The following HS6ST3 variants were observed in gnomAD, a reference collection of about 807,000 sequenced individuals.
HS6ST3 encodes the protein heparan sulfate 6-O-sulfotransferase 3.
A neutral mutation model predicts 36.7 loss-of-function variants in HS6ST3; 12 were observed. The ratio of observed to expected loss-of-function variants is 0.33; its 90% CI spans 0.21 to 0.53. The LOEUF (loss-of-function observed/expected upper bound fraction) is 0.53. Among genes scored for constraint, HS6ST3 ranks in the 20% least tolerant of loss-of-function variants. The pLI, the probability that HS6ST3 is intolerant of heterozygous loss-of-function variation, is 0.95. For missense variants in HS6ST3, 584 were observed against 640.9 expected (o/e 0.91, Z 0.96); for synonymous variants, 240 against 257.5 (o/e 0.93, Z 0.65).
At chr13:96,712,609 G>T (rs1875589549) in intron 1 of HS6ST3, among the ~76,000 whole-genome samples, 1 of 152,102 alleles carries the variant, frequency 6.6e-6, no homozygotes, top group South Asian at 2.1e-4. Flanking sequence ...TTTCTCCTGG[G>T]CAAGAAGAGT....
At chr13:96,283,033 A>G (rs1339154319) in intron 1 of HS6ST3, among the ~76,000 whole-genome samples, 16 of 152,312 alleles carry the variant, frequency 1.1e-4, no homozygotes, top group Admixed American at 1.0e-3. Flanking sequence ...CCTGGCTGAC[A>G]TCTCTTGAAT....
chr13:96,796,882 C>T (rs193281667), intron 1 of HS6ST3, among the ~76,000 whole-genome samples: 1 of 152,024 alleles, frequency 6.6e-6, no homozygotes, highest in Non-Finnish European at 1.5e-5. Flanking sequence ...GACTATCGAT[C>T]AGGCCATAAT....
rs572601634 is a variant in HS6ST3 at position 96,490,486 on chromosome 13, T to C, written c.708-342004T>C. Among the ~76,000 whole-genome samples the C allele has an allele frequency of 2.0e-5, 3 of 152,266 alleles. No individual in the cohort carries two copies. The East Asian group carries it at 5.8e-4, about 29-fold the overall frequency. ...CATTAAAATGATTAAAATGAAAAAGTATTACAATGCTAAAAGATTTATGAG... is the reference window on the plus strand; with the variant it reads ...CATTAAAATGATTAAAATGAAAAAGCATTACAATGCTAAAAGATTTATGAG... On this transcript the variant is annotated intron_variant, in intron 1 of 1. Transcript: ENST00000376705.
At chr13:96,321,731 C>T (rs1184421840) in intron 1 of HS6ST3, among the ~76,000 whole-genome samples, 1 of 152,188 alleles carries the variant, frequency 6.6e-6, no homozygotes, top group East Asian at 1.9e-4. Flanking sequence ...ATTGGACTTT[C>T]CCAGCAATGC....
At chr13:96,530,509 T>C (rs533207763) in intron 1 of HS6ST3, among the ~76,000 whole-genome samples, 1 of 151,826 alleles carries the variant, frequency 6.6e-6, no homozygotes, top group East Asian at 1.9e-4. Flanking sequence ...CTTTCCCTTT[T>C]TTTTTTTTTT....
At chr13:96,179,332 C>T (rs1277342302) in intron 1 of HS6ST3, among the ~76,000 whole-genome samples, 1 of 152,218 alleles carries the variant, frequency 6.6e-6, no homozygotes, top group Non-Finnish European at 1.5e-5. Context: ...AAACTCCCTG[C>T]ATCAGTAACT....
At chr13:96,298,131 T>C (rs554096481) in intron 1 of HS6ST3, among the ~76,000 whole-genome samples, 1 of 152,348 alleles carries the variant, frequency 6.6e-6, no homozygotes, top group South Asian at 2.1e-4. Context: ...TGTATTTAGA[T>C]AATTACTGAA....
chr13:96,478,306 G>A lies in HS6ST3; in HGVS notation c.708-354184G>A, dbSNP rs574203534. ...GCCAGAGATAGAACAGTGAAAATGT[G>A]TAGAGAAGGGTTTTAAGGACGATAA... On this transcript the variant is annotated intron_variant, in intron 1 of 1. Transcript: ENST00000376705. Among the ~76,000 whole-genome samples, 24 of 152,278 alleles carry A rather than the reference G, an allele frequency of 1.6e-4. No homozygotes were observed. The South Asian group carries it at 3.7e-3, about 24-fold the overall frequency.
At chr13:96,662,383 G>A (rs2056649251) in intron 1 of HS6ST3, among the ~76,000 whole-genome samples, 2 of 151,918 alleles carry the variant, frequency 1.3e-5, no homozygotes, top group South Asian at 4.1e-4. Flanking sequence ...CTGCTCCTTG[G>A]TCTAGTCTAT....
intron 1 of HS6ST3, among the ~76,000 whole-genome samples, chr13:96,546,529 A>G (rs2056198290): frequency 6.6e-6 from 1 of 152,082 alleles, no homozygotes; most frequent in Admixed American, 6.6e-5. Flanking sequence ...GCCTGTTTTT[A>G]TGTTCACTCT....
intron 1 of HS6ST3, among the ~76,000 whole-genome samples, chr13:96,657,718 C>T (rs1321089187): frequency 6.6e-6 from 1 of 152,102 alleles, no homozygotes; most frequent in Non-Finnish European, 1.5e-5. Flanking sequence ...CAATGAGATC[C>T]TACGGAACCT....
At chr13:96,706,732 T>A (rs890015185) in intron 1 of HS6ST3, among the ~76,000 whole-genome samples, 1 of 152,066 alleles carries the variant, frequency 6.6e-6, no homozygotes, top group African/African-American at 2.4e-5. Flanking sequence ...TAGACATTTT[T>A]TTAAAAAACA....
At chr13:96,576,970 A>G (rs1224388004) in intron 1 of HS6ST3, among the ~76,000 whole-genome samples, 3 of 149,664 alleles carry the variant, frequency 2.0e-5, no homozygotes, top group African/African-American at 7.4e-5. Flanking sequence ...AAAAAAAAAA[A>G]AAAGTTGCTC....
intron 1 of HS6ST3, among the ~76,000 whole-genome samples, chr13:96,299,892 T>C (rs1041506632): frequency 2.0e-5 from 3 of 151,924 alleles, no homozygotes; most frequent in Non-Finnish European, 2.9e-5. Context: ...ATTTATCTTT[T>C]AAAAAGGAGG....
intron 1 of HS6ST3, among the ~76,000 whole-genome samples, chr13:96,387,612 G>C (rs2055374833): frequency 6.6e-6 from 1 of 152,100 alleles, no homozygotes; most frequent in African/African-American, 2.4e-5. Flanking sequence ...TTTATAAAGA[G>C]CTTTTAAATT....
At chr13:96,446,170 C>T (rs1364159925) in intron 1 of HS6ST3, among the ~76,000 whole-genome samples, 1 of 142,624 alleles carries the variant, frequency 7.0e-6, no homozygotes, top group Non-Finnish European at 1.5e-5. Flanking sequence ...AAGACTCCAT[C>T]TCAAAAAAAA....
chr13:96,785,125 C>T (rs1237743122), intron 1 of HS6ST3, among the ~76,000 whole-genome samples: 10 of 151,908 alleles, frequency 6.6e-5, no homozygotes, highest in South Asian at 6.2e-4. Flanking sequence ...ACTGAGATCA[C>T]GCCACTGCAC....
chr13:96,559,278 G>A lies in HS6ST3; in HGVS notation c.708-273212G>A, dbSNP rs529143392. Among the ~76,000 whole-genome samples the A allele has an allele frequency of 8.6e-5, 13 of 151,964 alleles. No individual in the cohort carries two copies. In the East Asian group the frequency reaches 2.5e-3, roughly 30 times the overall value. ...ACTATAGACGCCCCCCCCACCACAC[G>A]TGGCTAATTTTTGTATTTTTAATAG... is the stretch of plus-strand genomic sequence containing the variant. On this transcript the variant is annotated intron_variant, in intron 1 of 1. Transcript: ENST00000376705.
At chr13:96,725,670 A>G (rs1007404922) in intron 1 of HS6ST3, among the ~76,000 whole-genome samples, 3 of 148,436 alleles carry the variant, frequency 2.0e-5, no homozygotes, top group South Asian at 2.1e-4. Context: ...ACTGAATTGC[A>G]TGTGTGTGTG....
Sources: allele counts gnomAD v4.1 joint callset (sites outside exome capture counted in the v4.1 genomes callset), GRCh38; gene constraint gnomAD v4.1.1; transcripts MANE v1.5; gene names NCBI Gene and HGNC (gene_info 2026-07-23, HGNC 2026-07-21).